The following SMTNL1 variants were observed in gnomAD, a reference collection of about 807,000 sequenced individuals.
SMTNL1 encodes smoothelin like 1.
Under a neutral mutation model 46.6 loss-of-function variants are expected in SMTNL1, and 41 were observed. The observed-to-expected ratio is 0.88, with a 90% CI of 0.69 to 1.14. SMTNL1 has a LOEUF of 1.14. SMTNL1 is among the 50% of genes most tolerant of loss of function. The probability of loss-of-function intolerance (pLI) is 0.00; values close to 1 mark genes in which losing one functional copy is unlikely to be tolerated. For missense variants in SMTNL1, 591 were observed against 626.1 expected (o/e 0.94, Z 0.60); for synonymous variants, 234 against 234.2 (o/e 1.00, Z 0.01).
rs765146858 is a variant in SMTNL1 at position 57,545,880 on chromosome 11, G to GT, written c.918dup (p.Glu307Ter). 6.2e-7 allele frequency: 1 copy of GT among 1,611,972 alleles called. No individual in the cohort carries two copies. ...ACACGTCTTTGGACTTCTCCATATAGTGAGTCTTCACCCAGCGACGTGCCC... is the reference window on the plus strand; with the variant it reads ...ACACGTCTTTGGACTTCTCCATATAGTTGAGTCTTCACCCAGCGACGTGCCC... On this transcript the variant is annotated frameshift_variant and splice_region_variant. Coordinates refer to ENST00000527972, the MANE Select transcript of SMTNL1 (RefSeq NM_001105565.3). LOFTEE classifies it high-confidence loss of function.
chr11:57,546,504 G>A lies in SMTNL1; in HGVS notation c.1192G>A (p.Val398Met), dbSNP rs1049871544. 20 of 1,614,060 alleles carry A rather than the reference G, an allele frequency of 1.2e-5. No individual in the cohort carries two copies. The highest frequency in any genetic ancestry group is 2.7e-5 in the African/African-American group (2 of 74,944). Residue 398 changes from valine (V) to methionine (M), a missense_variant, in exon 7 of 8, where the codon GTG becomes ATG. By Grantham distance (21) the Val-to-Met change is conservative. Coordinates refer to ENST00000527972, the MANE Select transcript of SMTNL1 (RefSeq NM_001105565.3). Reference sequence around the variant, plus strand: ...CTCTGTGCCCTGCCTGCCATAGCATGTGGACATCCAGAACTTCTCCTCCAG... The same window carrying A: ...CTCTGTGCCCTGCCTGCCATAGCATATGGACATCCAGAACTTCTCCTCCAG... ...CRAMTKKYEH[V>M]DIQNFSSSWS...
chr11:57,543,498 G>A, intron 2 of SMTNL1, 124 bp downstream of exon 2: 4 of 1,515,664 alleles, frequency 2.6e-6, no homozygotes, highest in Non-Finnish European at 2.7e-6. Flanking sequence ...AGCCCAGGGT[G>A]GGGGAGGGGG....
At chr11:57,545,132 C>T (rs957165537) in intron 4 of SMTNL1, among the ~76,000 whole-genome samples, 3 of 152,062 alleles carry the variant, frequency 2.0e-5, no homozygotes, top group South Asian at 2.1e-4. Flanking sequence ...CCACTGTGCC[C>T]GGCCTCCTTG....
At chr11:57,546,438 G>A (rs1590804137) in intron 6 of SMTNL1, 63 bp from the exon 7 acceptor site, 2 of 1,602,398 alleles carry the variant, frequency 1.2e-6, no homozygotes, top group East Asian at 2.2e-5. Flanking sequence ...GTGGGAAGGG[G>A]GCCAAGTCCA....
rs142455569 is a variant in SMTNL1, at chr11:57,543,884, A to G, written c.881A>G (p.Asp294Gly). 2.1e-5 allele frequency: 34 copies of G among 1,592,826 alleles called. No homozygotes were observed. The East Asian group carries it at 6.6e-4, about 31-fold the overall frequency. The change falls in exon 4 of 8, where the codon GAC (aspartate) becomes GGC (glycine). Residue 294 changes from aspartate to glycine, a missense_variant. Transcript: ENST00000527972. ...HNLSTDGLGP[D>G]CVASGQTSPS... is the part of the protein sequence containing the mutation. ...TTTCCTCCAGATGGGCTGGGTCCAG[A>G]CTGTGTAGCTTCCGGACAGACCAGT...
At position 57,543,954 on chromosome 11, in the gene SMTNL1, C is replaced by A. The variant is rs1025017791; in HGVS notation, c.917+34C>A. The A allele has an allele frequency of 3.9e-6, 6 of 1,557,934 alleles. No homozygotes were observed. In the African/African-American group the frequency reaches 6.8e-5, roughly 18 times the overall value. ...AAACTCTGGGGCTCCAGCTCCAATT[C>A]CCCCTACCTCCTGCTTCCCTCAGCG... On this transcript the variant is annotated intron_variant, in intron 4 of 7. Transcript: ENST00000527972.
intron 7 of SMTNL1, among the ~76,000 whole-genome samples, chr11:57,549,198 G>A (rs532768243): frequency 1.2e-4 from 18 of 152,056 alleles, no homozygotes; most frequent in Middle Eastern, 3.4e-3. Flanking sequence ...GCTAATTTTT[G>A]TATTTTTAGT....
intron 7 of SMTNL1, 39 bp from the exon 8 acceptor site, chr11:57,549,929 C>T (rs556702078): frequency 1.9e-6 from 3 of 1,610,140 alleles, no homozygotes; most frequent in Middle Eastern, 1.7e-4. Context: ...ATATCCTTCA[C>T]CTTTGACCTT....
At position 57,543,734 on chromosome 11, in the gene SMTNL1, G is replaced by A. The variant is rs1426629697; in HGVS notation, c.843G>A (p.Gly281=). 6.4e-7 allele frequency: 1 copy of A among 1,564,068 alleles called. No individual in the cohort carries two copies. Among genetic ancestry groups the A allele is most frequent in the Non-Finnish European group, 8.7e-7 (1 of 1,154,360 alleles). Residue 281 remains glycine, a synonymous_variant, in exon 3 of 8, where the codon GGG becomes GGA. Transcript: ENST00000527972. ...AGGAGTGGCCTGAGAGCCCCACTGG[G>A]GAGGGGCACAACCTCAGCACAGGTG... is the stretch of plus-strand genomic sequence containing the variant. ...SPEEWPESPT[G]EGHNLSTDGL...
At chr11:57,546,453 A>G in intron 6 of SMTNL1, 48 bp from the exon 7 acceptor site, 1 of 1,610,694 alleles carries the variant, frequency 6.2e-7, no homozygotes, top group Non-Finnish European at 8.5e-7. Flanking sequence ...AGTCCAGGCC[A>G]TCTGGCTGAG....
chr11:57,545,832 C>T (rs1231162445), intron 4 of SMTNL1, 49 bp from the exon 5 acceptor site: 3 of 1,535,304 alleles, frequency 2.0e-6, no homozygotes, highest in African/African-American at 1.4e-5. Context: ...CTGTGTCCTG[C>T]AGTGCTGGTC....
chr11:57,542,132 AC>A (rs1944884214), intron 1 of SMTNL1, among the ~76,000 whole-genome samples: 4 of 150,146 alleles, frequency 2.7e-5, no homozygotes, highest in Non-Finnish European at 5.9e-5. Flanking sequence ...ACACACACAC[AC>A]ACACACACAC....
chr11:57,550,028 C>T lies in SMTNL1; in HGVS notation c.1401C>T (p.Pro467=), dbSNP rs140291472. The T allele has an allele frequency of 5.4e-4, 876 of 1,613,934 alleles. 5 individuals carry two copies. The African/African-American group carries it at 0.01, about 19-fold the overall frequency. ...DVDDMVRLAV[P]DSKCVYTYIQ... Reference sequence around the variant, plus strand: ...ATGACATGGTGCGGTTGGCTGTGCCCGACTCCAAGTGCGTCTACACATACA... The same window carrying T: ...ATGACATGGTGCGGTTGGCTGTGCCTGACTCCAAGTGCGTCTACACATACA... Residue 467 remains proline, a synonymous_variant, in exon 8 of 8, where the codon CCC becomes CCT. Coordinates refer to ENST00000527972, the MANE Select transcript of SMTNL1 (RefSeq NM_001105565.3).
intron 1 of SMTNL1, among the ~76,000 whole-genome samples, chr11:57,542,143 CAA>C (rs142355688): frequency 1.1e-4 from 16 of 148,928 alleles, no homozygotes; most frequent in South Asian, 4.2e-4. Context: ...CACACACACA[CAA>C]AAATTAGCCA....
Position 57,543,146 on chromosome 11 carries a change from G to C in SMTNL1, c.504G>C (p.Glu168Asp). The C allele has an allele frequency of 1.2e-6, 2 of 1,613,502 alleles. No individual in the cohort carries two copies. Among genetic ancestry groups the C allele is most frequent in the Middle Eastern group, 1.6e-4 (1 of 6,062 alleles). ...DKPEPKATVE[E>D]EDAKTASQEE... is the part of the protein sequence containing the mutation. ...CTGAACCTAAGGCAACAGTTGAGGAGGAGGACGCCAAGACAGCCTCTCAGG... is the reference window on the plus strand; with the variant it reads ...CTGAACCTAAGGCAACAGTTGAGGACGAGGACGCCAAGACAGCCTCTCAGG... Residue 168 changes from glutamate (E) to aspartate (D), a missense_variant, in exon 2 of 8, where the codon GAG becomes GAC. Glu to Asp is a conservative substitution (Grantham distance 45). Transcript: ENST00000527972.
At chr11:57,538,032 T>A (rs1420608821) in intron 1 of SMTNL1, among the ~76,000 whole-genome samples, 1 of 147,772 alleles carries the variant, frequency 6.8e-6, no homozygotes. Context: ...ATTATGAGAT[T>A]TTTTTTTTTT....
chr11:57,548,158 C>T (rs1229251489), intron 7 of SMTNL1, among the ~76,000 whole-genome samples: 1 of 152,162 alleles, frequency 6.6e-6, no homozygotes, highest in Non-Finnish European at 1.5e-5. Context: ...CTGATTAGCT[C>T]AGATTGTCGG....
rs754768636 is a variant in SMTNL1 at position 57,546,566 on chromosome 11, C to T, written c.1254C>T (p.His418=). The change falls in exon 7 of 8, where the codon CAC becomes CAT. Residue 418 remains histidine, a synonymous_variant. Transcript: ENST00000527972. ...SSGMAFCALI[H]KFFPDAFDYA... is the part of the protein sequence containing the mutation. ...GTATGGCCTTCTGTGCCCTCATCCA[C>T]AAGTTCTTCCCTGACGCCTTTGACT... The T allele has an allele frequency of 1.2e-6, 2 of 1,614,194 alleles. No homozygotes were observed. Among genetic ancestry groups the T allele is most frequent in the East Asian group, 2.2e-5 (1 of 44,890 alleles).
In SMTNL1 at chr11:57,542,632, T is replaced by C. The variant is rs751478399; in HGVS notation, c.-2-9T>C. 7 of 1,592,184 alleles carry C rather than the reference T, an allele frequency of 4.4e-6. No individual in the cohort carries two copies. Among genetic ancestry groups the C allele is most frequent in the Non-Finnish European group, 6.0e-6 (7 of 1,169,220 alleles). On this transcript the variant is annotated splice_polypyrimidine_tract_variant and intron_variant, in intron 1 of 7. Transcript: ENST00000527972. ...GGCATGACCAGGTCTGCTTGTCTTC[T>C]CTTTCCAGAGATGGAGCAGAAGGAA... is the stretch of plus-strand genomic sequence containing the variant.
Sources: allele counts gnomAD v4.1 joint callset (sites outside exome capture counted in the v4.1 genomes callset), GRCh38; gene constraint gnomAD v4.1.1; transcripts MANE v1.5; gene names NCBI Gene and HGNC (gene_info 2026-07-23, HGNC 2026-07-21).